The following EDC4 variants were observed in gnomAD, a reference collection of about 807,000 sequenced individuals.
EDC4 encodes enhancer of mRNA decapping 4, also known as enhancer of mRNA-decapping protein 4.
In EDC4, 64 loss-of-function variants were observed where a neutral mutation model predicts 155.8. The ratio of observed to expected loss-of-function variants is 0.41; its 90% CI spans 0.34 to 0.51. EDC4 has a LOEUF of 0.51. Ranked by LOEUF, EDC4 falls within the 20% of genes least tolerant of loss-of-function variation. The pLI, the probability that EDC4 is intolerant of heterozygous loss-of-function variation, is 0.19. For synonymous variants in EDC4, 684 were observed against 716.8 expected, an observed-to-expected ratio of 0.95 and a Z score of 0.73; for missense variants, 1,303 against 1,812.5, an observed-to-expected ratio of 0.72 and a Z score of 5.10.
chr16:67,876,379 A>T lies in EDC4; in HGVS notation c.240-109A>T. ...GGCCAGTGGACCAGGCGAAGCTGAC[A>T]TTGGACTAGATACCTTCCCCAGTCT... On this transcript the variant is annotated intron_variant, in intron 2 of 28. Transcript: ENST00000358933. The surrounding 1 kb of genome is among the most constrained non-coding windows in gnomAD (Gnocchi z 5.8). 1 of 1,488,106 alleles carries T rather than the reference A, an allele frequency of 6.7e-7. No individual in the cohort carries two copies. Among genetic ancestry groups the T allele is most frequent in the East Asian group, 2.4e-5 (1 of 41,382 alleles). 92.2% of individuals were successfully genotyped at this position (1,488,106 alleles called of 1,614,324 possible). A position where few individuals can be genotyped will look rare whatever the true frequency, so the allele number is the denominator to read the frequency against.
At position 67,884,262 on chromosome 16, in the gene EDC4, G is replaced by T. The variant is rs983641371; in HGVS notation, c.*114G>T. ...CTGCTCAGGCCCCCATCTCTGGGGTGTTTGGGGGTCAGGGAGCAGGGAGCA... is the reference window on the plus strand; with the variant it reads ...CTGCTCAGGCCCCCATCTCTGGGGTTTTTGGGGGTCAGGGAGCAGGGAGCA... On this transcript the variant is annotated 3_prime_UTR_variant, in exon 29 of 29. Coordinates refer to ENST00000358933, the MANE Select transcript of EDC4 (RefSeq NM_014329.5). This position sits in a 1 kb window ranked among gnomAD's most constrained non-coding sequence, Gnocchi z 4.1. 3 of 1,036,100 alleles carry T rather than the reference G, an allele frequency of 2.9e-6. No individual in the cohort carries two copies. Among genetic ancestry groups the T allele is most frequent in the East Asian group, 2.6e-5 (1 of 37,936 alleles). 64.2% of individuals were successfully genotyped at this position (1,036,100 alleles called of 1,614,324 possible).
Position 67,882,872 on chromosome 16 carries a change from G to C in EDC4, c.3629+7G>C. On this transcript the variant is annotated splice_region_variant and intron_variant, in intron 26 of 28. Transcript: ENST00000358933. The surrounding 1 kb of genome is among the most constrained non-coding windows in gnomAD (Gnocchi z 7.2). Reference sequence around the variant, plus strand: ...TGCATGTGGCTGTGGGCAGGTGTGTGGGCAGAGTACTGGGCAAGGTGGTGG... The same window carrying C: ...TGCATGTGGCTGTGGGCAGGTGTGTCGGCAGAGTACTGGGCAAGGTGGTGG... 1 of 1,614,138 alleles carries C rather than the reference G, an allele frequency of 6.2e-7. No individual in the cohort carries two copies. The highest frequency in any genetic ancestry group is 8.5e-7 in the Non-Finnish European group (1 of 1,180,022).
Position 67,879,038 on chromosome 16 carries a change from C to G in EDC4, c.1369C>G (p.His457Asp). The change falls in exon 12 of 29, where the codon CAC (histidine) becomes GAC (aspartate). Residue 457 changes from histidine (H) to aspartate (D), a missense_variant. By Grantham distance (81) the His-to-Asp change is moderately conservative. Coordinates refer to ENST00000358933, the MANE Select transcript of EDC4 (RefSeq NM_014329.5). The surrounding 1 kb of genome is among the most constrained non-coding windows in gnomAD (Gnocchi z 6.0). ...CTCCATCTCGGAGTTCCTGCTCACC[C>G]ACCCTGTGCTGAGCTTTGGTATCCA... ...FSSISEFLLT[H>D]PVLSFGIQVV... 1 of 1,612,936 alleles carries G rather than the reference C, an allele frequency of 6.2e-7. No individual in the cohort carries two copies.
Position 67,877,423 on chromosome 16 carries a change from G to C in EDC4, c.641+17G>C, listed in dbSNP as rs1162147364. The C allele has an allele frequency of 6.2e-7, 1 of 1,611,342 alleles. No individual in the cohort carries two copies. Among genetic ancestry groups the C allele is most frequent in the Admixed American group, 1.7e-5 (1 of 59,960 alleles). On this transcript the variant is annotated intron_variant, in intron 5 of 28. Transcript: ENST00000358933. This position sits in a 1 kb window ranked among gnomAD's most constrained non-coding sequence, Gnocchi z 4.9. Reference sequence around the variant, plus strand: ...CAAAATTCAGTATCCATTCCTTCCTGTGGGTGGTGGGACTGAAGAAGGGTG... The same window carrying C: ...CAAAATTCAGTATCCATTCCTTCCTCTGGGTGGTGGGACTGAAGAAGGGTG...
In EDC4 at chr16:67,876,566, T is replaced by C. The variant is rs2058042387; in HGVS notation, c.318T>C (p.Ser106=). The C allele has an allele frequency of 6.2e-7, 1 of 1,614,134 alleles. No individual in the cohort carries two copies. The highest frequency in any genetic ancestry group is 8.5e-7 in the Non-Finnish European group (1 of 1,180,010). ...TGGAGATTGTGGCTAGCAGTGACTC[T>C]AGCATTTCAAGCAAGGCCCGGGGAA... ...KEVEIVASSD[S]SISSKARGSN... The change falls in exon 3 of 29, where the codon TCT becomes TCC. Residue 106 remains serine, a synonymous_variant. Coordinates refer to ENST00000358933, the MANE Select transcript of EDC4 (RefSeq NM_014329.5). This position sits in a 1 kb window ranked among gnomAD's most constrained non-coding sequence, Gnocchi z 5.8.
In EDC4 at chr16:67,878,058, A is replaced by G; in HGVS notation, c.895-108A>G. Reference sequence around the variant, plus strand: ...AGGAACCCTGTTCATTTAGTCAGTCACACAAGCATGCCAGTCCCACCGTGA... The same window carrying G: ...AGGAACCCTGTTCATTTAGTCAGTCGCACAAGCATGCCAGTCCCACCGTGA... On this transcript the variant is annotated intron_variant, in intron 7 of 28. Transcript: ENST00000358933. This position sits in a 1 kb window ranked among gnomAD's most constrained non-coding sequence, Gnocchi z 5.2. The G allele has an allele frequency of 6.5e-7, 1 of 1,536,668 alleles. No individual in the cohort carries two copies. Among genetic ancestry groups the G allele is most frequent in the East Asian group, 2.4e-5 (1 of 41,868 alleles).
At position 67,873,194 on chromosome 16, in the gene EDC4, C is replaced by A; in HGVS notation, c.-68C>A. 8.2e-7 allele frequency: 1 copy of A among 1,212,500 alleles called. No homozygotes were observed. Among genetic ancestry groups the A allele is most frequent in the Non-Finnish European group, 1.1e-6 (1 of 930,594 alleles). 75.1% of individuals were successfully genotyped at this position (1,212,500 alleles called of 1,614,324 possible). A position where few individuals can be genotyped will look rare whatever the true frequency, so the allele number is the denominator to read the frequency against. On this transcript the variant is annotated 5_prime_UTR_variant, in exon 1 of 29. Coordinates refer to ENST00000358933, the MANE Select transcript of EDC4 (RefSeq NM_014329.5). ...GCTGTCTCGCCCCGTGGCGGGTGAG[C>A]GAGGGTGCGTGGTGCGCGGCGGCGG...
rs544224004 is a variant in EDC4, at chr16:67,878,790, G to A, written c.1238G>A (p.Cys413Tyr). The change falls in exon 11 of 29, where the codon TGC becomes TAC. Residue 413 changes from cysteine (C) to tyrosine (Y), a missense_variant. Cys to Tyr is a radical substitution (Grantham distance 194). Coordinates refer to ENST00000358933, the MANE Select transcript of EDC4 (RefSeq NM_014329.5). The surrounding 1 kb of genome is among the most constrained non-coding windows in gnomAD (Gnocchi z 5.2). ...SVSVPPSLKV[C>Y]LDLSAEYLIL... is the part of the protein sequence containing the mutation. Reference sequence around the variant, plus strand: ...AGTGTGCCCCCTAGCCTCAAGGTTTGCTTGGACCTCTCAGCAGAATACCTG... The same window carrying A: ...AGTGTGCCCCCTAGCCTCAAGGTTTACTTGGACCTCTCAGCAGAATACCTG... 1 of 1,614,132 alleles carries A rather than the reference G, an allele frequency of 6.2e-7. No homozygotes were observed. The highest frequency in any genetic ancestry group is 1.7e-5 in the Admixed American group (1 of 60,026).
chr16:67,883,240 C>A lies in EDC4; in HGVS notation c.3849+63C>A. ...CTCTTGACAAGGCCCACATACCATA[C>A]ATTCTACTCCACCCACCACCTTTGC... On this transcript the variant is annotated intron_variant, in intron 27 of 28. Coordinates refer to ENST00000358933, the MANE Select transcript of EDC4 (RefSeq NM_014329.5). This position sits in a 1 kb window ranked among gnomAD's most constrained non-coding sequence, Gnocchi z 5.3. The A allele has an allele frequency of 6.7e-7, 1 of 1,493,510 alleles. No homozygotes were observed. Among genetic ancestry groups the A allele is most frequent in the Non-Finnish European group, 8.9e-7 (1 of 1,119,468 alleles). 92.5% of individuals were successfully genotyped at this position (1,493,510 alleles called of 1,614,324 possible). A position where few individuals can be genotyped will look rare whatever the true frequency, so the allele number is the denominator to read the frequency against.
rs1016434306 is a variant in EDC4 at position 67,875,696 on chromosome 16, C to T, written c.83-249C>T. The T allele has an allele frequency of 1.7e-5, 22 of 1,294,142 alleles. 1 individual carries two copies. Among genetic ancestry groups the T allele is most frequent in the Non-Finnish European group, 2.1e-5 (21 of 1,016,742 alleles). 80.2% of individuals were successfully genotyped at this position (1,294,142 alleles called of 1,614,324 possible). Reference sequence around the variant, plus strand: ...GTAGTGACCCAGACCTGAGTATTCACTGCCCTCAAAGGGTCCTTGATGGCT... The same window carrying T: ...GTAGTGACCCAGACCTGAGTATTCATTGCCCTCAAAGGGTCCTTGATGGCT... On this transcript the variant is annotated intron_variant, in intron 1 of 28. Transcript: ENST00000358933.
chr16:67,876,491 T>C lies in EDC4; in HGVS notation c.243T>C (p.Cys81=), dbSNP rs1282705504. The C allele has an allele frequency of 1.2e-6, 2 of 1,613,850 alleles. No homozygotes were observed. The highest frequency in any genetic ancestry group is 2.7e-5 in the African/African-American group (2 of 74,912). Residue 81 remains cysteine (C), a synonymous_variant, in exon 3 of 29, where the codon TGT becomes TGC. Coordinates refer to ENST00000358933, the MANE Select transcript of EDC4 (RefSeq NM_014329.5). The surrounding 1 kb of genome is among the most constrained non-coding windows in gnomAD (Gnocchi z 5.8). ...PINLQEKQVI[C]LSGDDSSTCI... ...GTTTTTGCACTCTTCCCCACAGCTG[T>C]CTCTCAGGAGATGATAGCTCCACCT...
rs199805808 is a variant in EDC4 at position 67,882,848 on chromosome 16, G to A, written c.3612G>A (p.Leu1204=). ...GSVRAEVQHQ[L]HVAVGSLQES... ...TTCGTGCTGAGGTGCAGCACCAGCT[G>A]CATGTGGCTGTGGGCAGGTGTGTGG... Residue 1204 remains leucine, a synonymous_variant, in exon 26 of 29, where the codon CTG becomes CTA. Transcript: ENST00000358933. The surrounding 1 kb of genome is among the most constrained non-coding windows in gnomAD (Gnocchi z 7.2). The A allele has an allele frequency of 4.6e-5, 75 of 1,614,174 alleles. No homozygotes were observed. Among genetic ancestry groups the A allele is most frequent in the Admixed American group, 3.7e-4 (22 of 60,034 alleles).
Position 67,877,339 on chromosome 16 carries a change from C to T in EDC4, c.574C>T (p.Leu192=). Residue 192 remains leucine, a synonymous_variant, in exon 5 of 29, where the codon CTG becomes TTG. Transcript: ENST00000358933. This position sits in a 1 kb window ranked among gnomAD's most constrained non-coding sequence, Gnocchi z 4.9. ...TTTCGCGCACCTCAACTCTCCACAG[C>T]TGGCCTGCCTGGATGAGGCAGGCAA... ...LAFAHLNSPQ[L]ACLDEAGNLF... 6.2e-7 allele frequency: 1 copy of T among 1,614,154 alleles called. No homozygotes were observed. The highest frequency in any genetic ancestry group is 1.6e-4 in the Middle Eastern group (1 of 6,062).
chr16:67,876,928 AC>A lies in EDC4; in HGVS notation c.409del (p.Leu137Ter). On this transcript the variant is annotated frameshift_variant, in exon 4 of 29. Transcript: ENST00000358933. LOFTEE classifies it high-confidence loss of function. This position sits in a 1 kb window ranked among gnomAD's most constrained non-coding sequence, Gnocchi z 5.8. Reference sequence around the variant, plus strand: ...TGGGAACAGAAGTACTACTATGGCAACCTGATTGCTGTGTCTAACTCCTTCT... The same window carrying A: ...TGGGAACAGAAGTACTACTATGGCAACTGATTGCTGTGTCTAACTCCTTCT... ...YDWEQKYYYG[N>X]LIAVSNSFLA... is the part of the protein sequence containing the mutation. 6.2e-7 allele frequency: 1 copy of A among 1,614,244 alleles called. No individual in the cohort carries two copies. Among genetic ancestry groups the A allele is most frequent in the Non-Finnish European group, 8.5e-7 (1 of 1,180,040 alleles).
Position 67,873,053 on chromosome 16 carries a change from G to C in EDC4, c.-209G>C. ...TCTCCGGCCCTGGCAGGTTCCGGGA[G>C]CCTCGGCTCGTGGGTGCCGGAAGTG... On this transcript the variant is annotated 5_prime_UTR_variant, in exon 1 of 29. Coordinates refer to ENST00000358933, the MANE Select transcript of EDC4 (RefSeq NM_014329.5). 1 of 430,148 alleles carries C rather than the reference G, an allele frequency of 2.3e-6. No individual in the cohort carries two copies. Among genetic ancestry groups the C allele is most frequent in the Non-Finnish European group, 4.1e-6 (1 of 244,600 alleles). The allele number at this position is 430,148 out of a possible 1,614,324, so 26.6% of individuals were successfully genotyped here. A position where few individuals can be genotyped will look rare whatever the true frequency, so the allele number is the denominator to read the frequency against.
At chr16:67,874,168 A>G (rs1240775024) in intron 1 of EDC4, among the ~76,000 whole-genome samples, 1 of 152,102 alleles carries the variant, frequency 6.6e-6, no homozygotes, top group Admixed American at 6.5e-5. Flanking sequence ...GGTGTCAGGA[A>G]AGGCACCCAA....
chr16:67,876,057 T>G lies in EDC4; in HGVS notation c.195T>G (p.Gly65=). 6.2e-7 allele frequency: 1 copy of G among 1,614,164 alleles called. No individual in the cohort carries two copies. Among genetic ancestry groups the G allele is most frequent in the Non-Finnish European group, 8.5e-7 (1 of 1,180,028 alleles). ...SGDSTSANKT[G]LRTMPPINLQ... is the part of the protein sequence containing the mutation. The stretch of plus-strand genomic sequence containing the variant: ...ATAGTACCTCAGCAAACAAGACTGG[T>G]CTTCGGACCATGCCACCCATTAACC... Residue 65 remains glycine (G), a synonymous_variant, in exon 2 of 29, where the codon GGT becomes GGG. Coordinates refer to ENST00000358933, the MANE Select transcript of EDC4 (RefSeq NM_014329.5). This position sits in a 1 kb window ranked among gnomAD's most constrained non-coding sequence, Gnocchi z 5.8.
rs1598179373 is a variant in EDC4, at chr16:67,883,283, G to A, written c.3849+106G>A. On this transcript the variant is annotated intron_variant, in intron 27 of 28. Transcript: ENST00000358933. This position sits in a 1 kb window ranked among gnomAD's most constrained non-coding sequence, Gnocchi z 5.3. ...ACCTTTGCACCTTCTGGCCCCAGCA[G>A]ACTGTTCTTGGTTCCCTTTGGCCTC... The A allele has an allele frequency of 8.9e-6, 13 of 1,456,166 alleles. No individual in the cohort carries two copies. The highest frequency in any genetic ancestry group is 1.2e-5 in the Non-Finnish European group (13 of 1,100,958). 90.2% of individuals were successfully genotyped at this position (1,456,166 alleles called of 1,614,324 possible).
At position 67,882,334 on chromosome 16, in the gene EDC4, T is replaced by C. The variant is rs1168658586; in HGVS notation, c.3276+7T>C. 3 of 1,613,862 alleles carry C rather than the reference T, an allele frequency of 1.9e-6. No homozygotes were observed. The highest frequency in any genetic ancestry group is 1.7e-5 in the Admixed American group (1 of 59,966). The stretch of plus-strand genomic sequence containing the variant: ...CAAGCTGCTCAAGTCCAAGGTGCTA[T>C]AGGGCCCAAGATGTGGGTGGAGGTG... On this transcript the variant is annotated splice_region_variant and intron_variant, in intron 24 of 28. Coordinates refer to ENST00000358933, the MANE Select transcript of EDC4 (RefSeq NM_014329.5). This position sits in a 1 kb window ranked among gnomAD's most constrained non-coding sequence, Gnocchi z 7.2.
Sources: gnomAD v4.1 joint callset for allele counts (sites outside exome capture counted in the v4.1 genomes callset) on GRCh38, gnomAD v4.1.1 for gene constraint, Gnocchi (gnomAD v3.1) non-coding constraint, MANE v1.5 for transcripts, NCBI Gene and HGNC (gene_info 2026-07-23, HGNC 2026-07-21) for gene names.